TBCEL: variants seen among roughly 807,000 people sequenced by gnomAD.
TBCEL encodes tubulin-specific chaperone cofactor E-like protein.
Under a neutral mutation model 44.2 loss-of-function variants are expected in TBCEL, and 15 were observed. The observed-to-expected ratio is 0.34, with a 90% CI of 0.23 to 0.52. The LOEUF (loss-of-function observed/expected upper bound fraction) is 0.52. Among genes scored for constraint, TBCEL ranks in the 20% least tolerant of loss-of-function variants. The probability of loss-of-function intolerance (pLI) is 0.95; values close to 1 mark genes in which losing one functional copy is unlikely to be tolerated. For missense variants in TBCEL, 319 were observed against 506.3 expected, an observed-to-expected ratio of 0.63 and a Z score of 3.55; for synonymous variants, 171 against 185.4, an observed-to-expected ratio of 0.92 and a Z score of 0.63.
intron 3 of TBCEL, among the ~76,000 whole-genome samples, chr11:121,046,816 AGTT>A (rs1397312720): frequency 6.6e-6 from 1 of 152,254 alleles, no homozygotes; most frequent in East Asian, 1.9e-4. Context: ...GTAGTCAAAA[AGTT>A]GTTACCTCAG....
intron 8 of TBCEL, among the ~76,000 whole-genome samples, chr11:121,065,780 A>G (rs1945809065): frequency 2.0e-5 from 3 of 152,174 alleles, no homozygotes; most frequent in East Asian, 1.9e-4. Context: ...CACTCTCTAA[A>G]TCACCAGCAC....
At chr11:121,065,418 C>A (rs889304969) in intron 8 of TBCEL, among the ~76,000 whole-genome samples, 2 of 152,140 alleles carry the variant, frequency 1.3e-5, no homozygotes, top group Non-Finnish European at 2.9e-5. Flanking sequence ...CCTCAGAATC[C>A]TCCTGTATAC....
Position 121,036,576 on chromosome 11 carries a change from A to T in TBCEL, c.-54A>T, listed in dbSNP as rs1945235135. 1 of 152,244 alleles carries T rather than the reference A, an allele frequency of 6.6e-6. No homozygotes were observed. The highest frequency in any genetic ancestry group is 1.5e-5 in the Non-Finnish European group (1 of 68,042). The allele number at this position is 152,244 out of a possible 1,614,324, so 9.4% of individuals were successfully genotyped here. ...TTTTGGACGAGGAGAGGCTATGGAA[A>T]TGAAGAAAGAAGTGTTTAGAAATAT... On this transcript the variant is annotated 5_prime_UTR_variant, in exon 2 of 9. It removes an upstream start codon present in the reference 5' UTR. Transcript: ENST00000683345.
intron 2 of TBCEL, among the ~76,000 whole-genome samples, chr11:121,039,704 C>T (rs1241440101): frequency 1.3e-5 from 2 of 152,222 alleles, no homozygotes; most frequent in East Asian, 1.9e-4. Flanking sequence ...TTCTCATTCT[C>T]AGGTTGTCTT....
intron 6 of TBCEL, 26 bp from the exon 7 acceptor site, chr11:121,058,319 A>T (rs200344266): frequency 1.2e-5 from 19 of 1,607,472 alleles, no homozygotes; most frequent in Non-Finnish European, 1.4e-5. Context: ...CTCTGGATTT[A>T]CTTAAACAAT....
In TBCEL at chr11:121,046,877, C is replaced by CT. The variant is rs1945440363; in HGVS notation, c.134-651_134-650insT. On this transcript the variant is annotated intron_variant, in intron 3 of 8. Transcript: ENST00000683345. Reference sequence around the variant, plus strand: ...AGTTTAAGACTGAAACACTTTCTTCCATTACAGTTAAATTTTTAAAGAAGG... The same window carrying CT: ...AGTTTAAGACTGAAACACTTTCTTCCTATTACAGTTAAATTTTTAAAGAAGG... 3.3e-5 allele frequency among the ~76,000 whole-genome samples: 5 copies of CT among 152,006 alleles called. No homozygotes were observed. In the South Asian group the frequency reaches 6.2e-4, roughly 19 times the overall value.
In TBCEL at chr11:121,045,551, C is replaced by CT. The variant is rs1218603520; in HGVS notation, c.-17-122dup. ...CAGTATATGTTTCTGGGGTCAGTAACTAAGTATCATATGTCTTGCAATGCC... is the reference window on the plus strand; with the variant it reads ...CAGTATATGTTTCTGGGGTCAGTAACTTAAGTATCATATGTCTTGCAATGCC... On this transcript the variant is annotated intron_variant, in intron 2 of 8. Transcript: ENST00000683345. 1.1e-5 allele frequency: 8 copies of CT among 721,030 alleles called. No homozygotes were observed. In the African/African-American group the frequency reaches 1.5e-4, roughly 13 times the overall value. 44.7% of individuals were successfully genotyped at this position (721,030 alleles called of 1,614,324 possible).
chr11:121,031,902 T>C (rs543882668), intron 1 of TBCEL, among the ~76,000 whole-genome samples: 1 of 152,172 alleles, frequency 6.6e-6, no homozygotes, highest in South Asian at 2.1e-4. Context: ...AAGCGATCCT[T>C]CTGCCTTGGC....
chr11:121,025,902 G>C (rs1945038297), intron 1 of TBCEL, among the ~76,000 whole-genome samples: 1 of 151,978 alleles, frequency 6.6e-6, no homozygotes, highest in Non-Finnish European at 1.5e-5. Flanking sequence ...TTTTTTGTAT[G>C]CGTGTGTGTT....
intron 2 of TBCEL, among the ~76,000 whole-genome samples, chr11:121,043,468 A>G (rs1945370660): frequency 1.3e-5 from 2 of 152,162 alleles, no homozygotes; most frequent in African/African-American, 4.8e-5. Context: ...ATTGGAAGCA[A>G]TTTGAAGCAT....
intron 8 of TBCEL, among the ~76,000 whole-genome samples, chr11:121,061,390 C>T (rs184273621): frequency 9.5e-4 from 144 of 151,118 alleles, no homozygotes; most frequent in Non-Finnish European, 1.9e-3. Context: ...CACACATACA[C>T]ATATATATAT....
chr11:121,047,581 G>T lies in TBCEL; in HGVS notation c.187G>T (p.Ala63Ser). 1 of 1,612,804 alleles carries T rather than the reference G, an allele frequency of 6.2e-7. No individual in the cohort carries two copies. The highest frequency in any genetic ancestry group is 8.5e-7 in the Non-Finnish European group (1 of 1,179,194). The change falls in exon 4 of 9, where the codon GCA (alanine) becomes TCA (serine). Residue 63 changes from alanine (A) to serine (S), a missense_variant. Transcript: ENST00000683345. ...LVLNSCGITCAGDEKEIAAFC... is the reference protein window; with the variant it reads ...LVLNSCGITCSGDEKEIAAFC... ...GTTGAACAGCTGTGGAATAACCTGT[G>T]CAGGAGATGAAAAAGAAATTGCTGC... is the stretch of plus-strand genomic sequence containing the variant.
chr11:121,077,140 C>T (rs1348090593), intron 8 of TBCEL, among the ~76,000 whole-genome samples: 3 of 151,896 alleles, frequency 2.0e-5, no homozygotes, highest in Non-Finnish European at 4.4e-5. Context: ...ATTTTGATAT[C>T]AGGGTAGTGC....
At chr11:121,041,985 A>G (rs1945343204) in intron 2 of TBCEL, among the ~76,000 whole-genome samples, 1 of 152,028 alleles carries the variant, frequency 6.6e-6, no homozygotes, top group Non-Finnish European at 1.5e-5. Flanking sequence ...ACCATGAGGA[A>G]AAGCTTTTAA....
intron 2 of TBCEL, among the ~76,000 whole-genome samples, chr11:121,041,295 G>A (rs915834648): frequency 6.6e-6 from 1 of 152,178 alleles, no homozygotes; most frequent in African/African-American, 2.4e-5. Context: ...GTACTAAGGT[G>A]ACTGGATGTT....
At position 121,045,813 on chromosome 11, in the gene TBCEL, TC is replaced by T; in HGVS notation, c.125del (p.Pro42LeufsTer2). On this transcript the variant is annotated frameshift_variant, in exon 3 of 9. Coordinates refer to ENST00000683345, the MANE Select transcript of TBCEL (RefSeq NM_001363644.2). LOFTEE classifies it high-confidence loss of function. The part of the protein sequence containing the change: ...VHVPATPQGS[P>X]MKDRLNLPSV... ...ATGTCCCAGCCACACCTCAGGGCTC[TC>T]CTATGAAAGGTAAGAAAGATGGGAC... The T allele has an allele frequency of 6.3e-7, 1 of 1,585,036 alleles. No homozygotes were observed. Among genetic ancestry groups the T allele is most frequent in the Non-Finnish European group, 8.5e-7 (1 of 1,171,366 alleles).
chr11:121,037,501 G>A (rs1247449330), intron 2 of TBCEL, among the ~76,000 whole-genome samples: 2 of 152,106 alleles, frequency 1.3e-5, no homozygotes, highest in African/African-American at 4.8e-5. Flanking sequence ...ACGCTGACTT[G>A]GTCAATGTCC....
intron 8 of TBCEL, among the ~76,000 whole-genome samples, chr11:121,069,169 A>C (rs1463253503): frequency 1.3e-5 from 2 of 152,086 alleles, no homozygotes; most frequent in African/African-American, 2.4e-5. Context: ...GTATATTGTC[A>C]ATCTCCCCCC....
intron 2 of TBCEL, among the ~76,000 whole-genome samples, chr11:121,043,741 C>G (rs1421694797): frequency 6.6e-6 from 1 of 152,144 alleles, no homozygotes; most frequent in African/African-American, 2.4e-5. Context: ...AAACACTCTA[C>G]TGTCTGGCTG....
Sources: gnomAD v4.1 joint callset for allele counts (sites outside exome capture counted in the v4.1 genomes callset) on GRCh38, gnomAD v4.1.1 for gene constraint, MANE v1.5 for transcripts, NCBI Gene and HGNC (gene_info 2026-07-23, HGNC 2026-07-21) for gene names.